The following TMEM117 variants were observed in gnomAD, a reference collection of about 807,000 sequenced individuals.
TMEM117 encodes transmembrane protein 117.
In TMEM117, 27 loss-of-function variants were observed where a neutral mutation model predicts 52.4. The ratio of observed to expected loss-of-function variants is 0.51; its 90% CI spans 0.38 to 0.71. TMEM117 has a LOEUF of 0.71. TMEM117 is among the 30% of genes least tolerant of loss of function. The pLI, the probability that TMEM117 is intolerant of heterozygous loss-of-function variation, is 0.00. For synonymous variants in TMEM117, 215 were observed against 206.3 expected, an observed-to-expected ratio of 1.04 and a Z score of -0.36; for missense variants, 556 against 630.5, an observed-to-expected ratio of 0.88 and a Z score of 1.26.
intron 3 of TMEM117, among the ~76,000 whole-genome samples, chr12:44,017,030 T>C (rs900515250): frequency 1.3e-5 from 2 of 152,210 alleles, no homozygotes; most frequent in African/African-American, 4.8e-5. Context: ...CTTTTGTTTA[T>C]GGGTTTTTGT....
chr12:43,813,064 A>G, the TMEM117 span, among the ~76,000 whole-genome samples: 1 of 150,246 alleles, frequency 6.7e-6, no homozygotes, highest in Non-Finnish European at 1.5e-5. Flanking sequence ...TCAAGTTTCC[A>G]GATTAGATTT....
intron 3 of TMEM117, among the ~76,000 whole-genome samples, chr12:44,038,954 A>C (rs1259711531): frequency 6.6e-6 from 1 of 152,192 alleles, no homozygotes; most frequent in African/African-American, 2.4e-5. Context: ...TTATTTCATC[A>C]AACAGGTACT....
At chr12:44,213,023 G>A (rs1297400145) in intron 5 of TMEM117, among the ~76,000 whole-genome samples, 2 of 152,070 alleles carry the variant, frequency 1.3e-5, no homozygotes, top group Admixed American at 6.6e-5. Context: ...ATCTTCATGG[G>A]TCACATGTGG....
At chr12:44,244,713 A>C (rs1461849785) in intron 5 of TMEM117, among the ~76,000 whole-genome samples, 7 of 151,730 alleles carry the variant, frequency 4.6e-5, no homozygotes, top group Non-Finnish European at 1.0e-4. Flanking sequence ...ATGTCATCTC[A>C]TTTGTCTATT....
chr12:44,352,639 G>A (rs1951581292), intron 6 of TMEM117, among the ~76,000 whole-genome samples: 1 of 152,000 alleles, frequency 6.6e-6, no homozygotes, highest in Admixed American at 6.6e-5. Context: ...CATTTTTTAT[G>A]GCTGCTTAGT....
intron 5 of TMEM117, among the ~76,000 whole-genome samples, chr12:44,223,432 A>T (rs899609058): frequency 1.1e-4 from 16 of 142,858 alleles, no homozygotes; most frequent in Non-Finnish European, 2.0e-4. Flanking sequence ...CTCAACCCCC[A>T]TACCAGACCT....
In TMEM117 at chr12:44,283,866, C is replaced by T. The variant is rs141482539; in HGVS notation, c.609-15714C>T. Among the ~76,000 whole-genome samples, 922 of 152,150 alleles carry T rather than the reference C, an allele frequency of 6.1e-3. 12 individuals are homozygous for T. The highest frequency in any genetic ancestry group is 0.02 in the African/African-American group (813 of 41,488). ...TAGCTCCTAGAATTCCCACGTGTTG[C>T]GGGAGAGACTCAGGGCTAGGTAATT... On this transcript the variant is annotated intron_variant, in intron 5 of 7. Coordinates refer to ENST00000266534, the MANE Select transcript of TMEM117 (RefSeq NM_032256.3).
At chr12:44,240,196 A>G (rs375867612) in intron 5 of TMEM117, among the ~76,000 whole-genome samples, 18 of 152,226 alleles carry the variant, frequency 1.2e-4, no homozygotes, top group Admixed American at 9.2e-4. Context: ...CAACCTCCTT[A>G]TATTTTGCTG....
At chr12:43,826,152 A>G in the TMEM117 span, among the ~76,000 whole-genome samples, 2 of 152,228 alleles carry the variant, frequency 1.3e-5, no homozygotes, top group Non-Finnish European at 2.9e-5. Context: ...TGCATGCAGT[A>G]TGTGGCAGGC....
chr12:43,902,225 A>T (rs1018650911), intron 2 of TMEM117, among the ~76,000 whole-genome samples: 1 of 152,196 alleles, frequency 6.6e-6, no homozygotes, highest in South Asian at 2.1e-4. Context: ...ATGGGTTGGG[A>T]CCAAGGCATA....
intron 5 of TMEM117, among the ~76,000 whole-genome samples, chr12:44,295,677 G>GTT (rs139314147): frequency 0.028 from 3,871 of 140,390 alleles, 78 homozygotes; most frequent in African/African-American, 0.052. Context: ...CAGGATTTCT[G>GTT]TTTTTTTTTT....
intron 4 of TMEM117, among the ~76,000 whole-genome samples, chr12:44,179,001 C>T (rs1214034224): frequency 6.6e-6 from 1 of 152,048 alleles, no homozygotes; most frequent in African/African-American, 2.4e-5. Flanking sequence ...TGAGACCAGC[C>T]TGGCCAAAAT....
chr12:43,957,261 C>G (rs916556684), intron 3 of TMEM117, among the ~76,000 whole-genome samples: 1 of 151,904 alleles, frequency 6.6e-6, no homozygotes, highest in Non-Finnish European at 1.5e-5. Context: ...CATACATTTA[C>G]CTATGAAACA....
intron 2 of TMEM117, among the ~76,000 whole-genome samples, chr12:43,938,162 A>G (rs978980357): frequency 1.6e-4 from 24 of 151,644 alleles, no homozygotes; most frequent in African/African-American, 5.6e-4. Flanking sequence ...GGTATGCAGG[A>G]CAGCATATCT....
At chr12:44,143,877 C>T (rs1229118925) in intron 4 of TMEM117, among the ~76,000 whole-genome samples, 1 of 152,148 alleles carries the variant, frequency 6.6e-6, no homozygotes, top group Non-Finnish European at 1.5e-5. Flanking sequence ...CTATCATCTA[C>T]CTATCTAAAC....
chr12:44,106,007 A>T (rs897140365), intron 3 of TMEM117, among the ~76,000 whole-genome samples: 10 of 152,000 alleles, frequency 6.6e-5, no homozygotes, highest in Admixed American at 6.6e-4. Flanking sequence ...ATGTGTCCAT[A>T]CCGAGCCTCT....
At chr12:44,150,566 G>C (rs1373539682) in intron 4 of TMEM117, among the ~76,000 whole-genome samples, 3 of 152,128 alleles carry the variant, frequency 2.0e-5, no homozygotes, top group Non-Finnish European at 2.9e-5. Context: ...TTGAAGCAAA[G>C]AGCATAAAAG....
chr12:43,833,591 C>A (rs1180916382), upstream of TMEM117, among the ~76,000 whole-genome samples: 1 of 151,934 alleles, frequency 6.6e-6, no homozygotes, highest in African/African-American at 2.4e-5. Context: ...GCCAGGAGTT[C>A]ACAATCAGGT....
intron 2 of TMEM117, among the ~76,000 whole-genome samples, chr12:43,850,098 C>T (rs1010209907): frequency 1.3e-5 from 2 of 152,212 alleles, no homozygotes; most frequent in African/African-American, 4.8e-5. Context: ...CTGACACATC[C>T]GTTTTCACAG....
Sources: allele counts gnomAD v4.1 joint callset (sites outside exome capture counted in the v4.1 genomes callset), GRCh38; gene constraint gnomAD v4.1.1; transcripts MANE v1.5; gene names NCBI Gene and HGNC (gene_info 2026-07-23, HGNC 2026-07-21).